Variants in CYTH3 observed in about 807,000 individuals in gnomAD.
CYTH3 encodes the protein cytohesin-3.
A neutral mutation model predicts 55.1 loss-of-function variants in CYTH3; 23 were observed. The ratio of observed to expected loss-of-function variants is 0.42; its 90% CI spans 0.30 to 0.59. CYTH3 has a LOEUF of 0.59. Among genes scored for constraint, CYTH3 ranks in the 20% least tolerant of loss-of-function variants. The pLI, the probability that CYTH3 is intolerant of heterozygous loss-of-function variation, is 0.20. For synonymous variants in CYTH3, 249 were observed against 194.9 expected (o/e 1.28, Z -2.31); for missense variants, 413 against 524.8 (o/e 0.79, Z 2.08).
At chr7:6,259,927 T>C in intron 1 of CYTH3, among the ~76,000 whole-genome samples, 1 of 141,166 alleles carries the variant, frequency 7.1e-6, no homozygotes, top group South Asian at 2.2e-4. Flanking sequence ...GCCTCCCAGG[T>C]TCAAGTGATT....
At chr7:6,243,194 C>G (rs975566644) in intron 1 of CYTH3, among the ~76,000 whole-genome samples, 2 of 152,218 alleles carry the variant, frequency 1.3e-5, no homozygotes, top group African/African-American at 4.8e-5. Context: ...AAAATTAGGG[C>G]TTCTCACCTC....
chr7:6,202,882 A>G (rs1177141407), intron 1 of CYTH3, among the ~76,000 whole-genome samples: 1 of 152,214 alleles, frequency 6.6e-6, no homozygotes, highest in Non-Finnish European at 1.5e-5. Context: ...GGACTTAAAA[A>G]CCAGAACAAA....
chr7:6,245,675 C>A (rs1016058948), intron 1 of CYTH3, among the ~76,000 whole-genome samples: 1 of 152,224 alleles, frequency 6.6e-6, no homozygotes, highest in South Asian at 2.1e-4. Context: ...GAGGCCGAGG[C>A]AGGCGGATCA....
intron 1 of CYTH3, among the ~76,000 whole-genome samples, chr7:6,258,321 A>G (rs1192770421): frequency 6.6e-6 from 1 of 151,728 alleles, no homozygotes; most frequent in African/African-American, 2.4e-5. Context: ...TCAAAAAAAA[A>G]AAAGAAAAGA....
intron 1 of CYTH3, among the ~76,000 whole-genome samples, chr7:6,265,875 C>G (rs948717725): frequency 4.6e-5 from 7 of 152,002 alleles, no homozygotes; most frequent in African/African-American, 1.7e-4. Flanking sequence ...TTGGCCTGAG[C>G]AACTGGAAGA....
intron 1 of CYTH3, among the ~76,000 whole-genome samples, chr7:6,234,029 T>C (rs1278359841): frequency 6.6e-6 from 1 of 152,170 alleles, no homozygotes; most frequent in Non-Finnish European, 1.5e-5. Context: ...CCTAGTACCA[T>C]CAGGCCCACC....
At chr7:6,252,637 T>C (rs140965125) in intron 1 of CYTH3, among the ~76,000 whole-genome samples, 1,585 of 152,308 alleles carry the variant, frequency 0.01, 34 homozygotes, top group African/African-American at 0.036. Context: ...AAGCTACAGC[T>C]GGATCCTGTA....
intron 5 of CYTH3, among the ~76,000 whole-genome samples, chr7:6,174,190 C>T (rs1439197805): frequency 2.6e-5 from 4 of 152,134 alleles, no homozygotes; most frequent in South Asian, 4.2e-4. Context: ...CTCAACTCAC[C>T]GAAATCTCTG....
chr7:6,170,797 C>A lies in CYTH3; in HGVS notation c.711+33G>T. 1 of 1,595,886 alleles carries A rather than the reference C, an allele frequency of 6.3e-7. No individual in the cohort carries two copies. Among genetic ancestry groups the A allele is most frequent in the African/African-American group, 1.3e-5 (1 of 74,584 alleles). ...GGCCGCTCACAGCGAAGAGATCCTG[C>A]AGACGGCAGCGGCCGCGGGCCGGGG... On this transcript the variant is annotated intron_variant, in intron 8 of 12. Transcript: ENST00000350796. This position sits in a 1 kb window ranked among gnomAD's most constrained non-coding sequence, Gnocchi z 7.8.
intron 1 of CYTH3, among the ~76,000 whole-genome samples, chr7:6,191,279 C>G (rs913134955): frequency 6.6e-6 from 1 of 151,842 alleles, no homozygotes; most frequent in African/African-American, 2.4e-5. Context: ...GAGATCCTTT[C>G]TCTACAAAAA....
intron 1 of CYTH3, among the ~76,000 whole-genome samples, chr7:6,249,812 C>A (rs559208797): frequency 1.6e-4 from 24 of 152,288 alleles, no homozygotes; most frequent in African/African-American, 5.3e-4. Flanking sequence ...GAAATGATGA[C>A]CACAGTCAGG....
At chr7:6,179,709 ACACC>A (rs1783436688) in intron 4 of CYTH3, among the ~76,000 whole-genome samples, 1 of 92,056 alleles carries the variant, frequency 1.1e-5, no homozygotes, top group Non-Finnish European at 2.0e-5. Flanking sequence ...CACCCCACAC[ACACC>A]CCACACACCA....
intron 5 of CYTH3, 100 bp from the exon 6 acceptor site, chr7:6,173,833 A>C (rs1583740532): frequency 1.3e-6 from 1 of 742,414 alleles, no homozygotes; most frequent in South Asian, 1.5e-5. Context: ...GTTCATGCAC[A>C]AGTTTCTGCA....
chr7:6,165,214 C>A, intron 12 of CYTH3, 59 bp downstream of exon 12: 1 of 1,577,192 alleles, frequency 6.3e-7, no homozygotes, highest in Non-Finnish European at 8.6e-7. Flanking sequence ...CAGACCATCC[C>A]CCGCCCTCCA....
Position 6,165,803 on chromosome 7 carries a change from A to G in CYTH3, c.831T>C (p.Arg277=). The change falls in exon 10 of 13, where the codon CGT becomes CGC. Residue 277 remains arginine, a synonymous_variant. Transcript: ENST00000350796. ...ACCACCGGCGCTTCCAGGTCTTCACACGCCCTCCTAGAAGCAGAAGGGCCC... is the reference window on the plus strand; with the variant it reads ...ACCACCGGCGCTTCCAGGTCTTCACGCGCCCTCCTAGAAGCAGAAGGGCCC... ...REGWLLKLGG[R]VKTWKRRWFI... 4 of 1,613,956 alleles carry G rather than the reference A, an allele frequency of 2.5e-6. No homozygotes were observed. Among genetic ancestry groups the G allele is most frequent in the Non-Finnish European group, 3.4e-6 (4 of 1,179,962 alleles).
At chr7:6,184,332 T>C (rs1200473335) in intron 4 of CYTH3, among the ~76,000 whole-genome samples, 1 of 150,740 alleles carries the variant, frequency 6.6e-6, no homozygotes, top group African/African-American at 2.4e-5. Context: ...AGTGCTGGGA[T>C]TACAGGCGTG....
chr7:6,195,956 A>G (rs1204336195), intron 1 of CYTH3, among the ~76,000 whole-genome samples: 1 of 152,194 alleles, frequency 6.6e-6, no homozygotes, highest in African/African-American at 2.4e-5. Flanking sequence ...GCAACATGCT[A>G]TTGGGTGGTC....
chr7:6,242,854 C>A (rs1583190887), intron 1 of CYTH3, among the ~76,000 whole-genome samples: 1 of 152,102 alleles, frequency 6.6e-6, no homozygotes, highest in African/African-American at 2.4e-5. Flanking sequence ...ACCCTCTAGG[C>A]AGTCCCTGTG....
intron 1 of CYTH3, among the ~76,000 whole-genome samples, chr7:6,255,758 G>GCTTTT (rs1780084704): frequency 4.5e-5 from 4 of 89,418 alleles, no homozygotes; most frequent in African/African-American, 2.0e-4. Flanking sequence ...CCTTTAATCT[G>GCTTTT]TTTTTTTTTT....
Sources: allele counts gnomAD v4.1 joint callset (sites outside exome capture counted in the v4.1 genomes callset), GRCh38; gene constraint gnomAD v4.1.1; non-coding constraint Gnocchi (gnomAD v3.1); transcripts MANE v1.5; gene names NCBI Gene and HGNC (gene_info 2026-07-23, HGNC 2026-07-21).